The following HSPA12B variants were observed in gnomAD, a reference collection of about 807,000 sequenced individuals.
HSPA12B encodes heat shock 70 kDa protein 12B.
HSPA12B carries 54 observed loss-of-function variants against 69.3 expected under a neutral mutation model. The observed-to-expected ratio is 0.78, with a 90% CI of 0.63 to 0.98. The LOEUF (loss-of-function observed/expected upper bound fraction) is 0.98. Ranked by LOEUF, HSPA12B falls within the 50% of genes least tolerant of loss-of-function variation. The probability of loss-of-function intolerance (pLI) is 0.00; values close to 1 mark genes in which losing one functional copy is unlikely to be tolerated. For missense variants in HSPA12B, 929 were observed against 999.8 expected (o/e 0.93, Z 0.96); for synonymous variants, 441 against 436.5 (o/e 1.01, Z -0.13).
rs1224249822 is a variant in HSPA12B, at chr20:3,749,142, A to G, written c.851-90A>G. On this transcript the variant is annotated intron_variant, in intron 8 of 12. Transcript: ENST00000254963. This position sits in a 1 kb window ranked among gnomAD's most constrained non-coding sequence, Gnocchi z 5.5. Reference sequence around the variant, plus strand: ...GGAGCACTGGCTGCTCCCAGTGCCCATGGAGGTCCTGGGCAGGAGGATGGG... The same window carrying G: ...GGAGCACTGGCTGCTCCCAGTGCCCGTGGAGGTCCTGGGCAGGAGGATGGG... 7.0e-6 allele frequency: 8 copies of G among 1,146,200 alleles called. No individual in the cohort carries two copies. The highest frequency in any genetic ancestry group is 1.0e-5 in the Non-Finnish European group (8 of 792,874). 71.0% of individuals were successfully genotyped at this position (1,146,200 alleles called of 1,614,324 possible).
Position 3,752,936 on chromosome 20 carries a change from G to T in HSPA12B, c.*770G>T. ...ATGGGGAGGCCAGAGGGAGCAATGA[G>T]GGGTGGTCCCAGCTCTGCTATTGAC... On this transcript the variant is annotated 3_prime_UTR_variant, in exon 13 of 13. Coordinates refer to ENST00000254963, the MANE Select transcript of HSPA12B (RefSeq NM_052970.5). 6.5e-6 allele frequency: 1 copy of T among 153,922 alleles called. No homozygotes were observed. 9.5% of individuals were successfully genotyped at this position (153,922 alleles called of 1,614,324 possible).
chr20:3,746,301 CTTTTTTT>C (rs11473544), intron 7 of HSPA12B, among the ~76,000 whole-genome samples: 9 of 89,234 alleles, frequency 1.0e-4, no homozygotes, highest in Admixed American at 3.1e-4. Context: ...GATGGAGAGT[CTTTTTTT>C]TTTTTTTTTT....
chr20:3,742,443 A>T (rs1600315960), intron 4 of HSPA12B, 35 bp downstream of exon 4: 1 of 1,486,568 alleles, frequency 6.7e-7, no homozygotes, highest in Non-Finnish European at 9.1e-7. Flanking sequence ...TGAGGTGGGG[A>T]AGGTGGGGAG....
rs200238699 is a variant in HSPA12B, at chr20:3,749,252, T to C, written c.871T>C (p.Ser291Pro). Residue 291 changes from serine (S) to proline (P), a missense_variant, in exon 9 of 13, where the codon TCC becomes CCC. This residue lies in a region of HSPA12B where 477 missense variants were observed against 535.2 expected (regional missense o/e 0.89). Coordinates refer to ENST00000254963, the MANE Select transcript of HSPA12B (RefSeq NM_052970.5). This position sits in a 1 kb window ranked among gnomAD's most constrained non-coding sequence, Gnocchi z 5.5. The stretch of plus-strand genomic sequence containing the variant: ...CCCAGCTCGGGAGCAGCTGCGAAGG[T>C]CCCGCCACAGCCGCACGTTCCTGGT... ...FRQAREQLRR[S>P]RHSRTFLVES... The C allele has an allele frequency of 6.2e-7, 1 of 1,612,542 alleles. No homozygotes were observed. The highest frequency in any genetic ancestry group is 1.1e-5 in the South Asian group (1 of 90,942).
chr20:3,749,099 G>C lies in HSPA12B; in HGVS notation c.851-133G>C. 1.4e-6 allele frequency: 1 copy of C among 697,324 alleles called. No individual in the cohort carries two copies. Among genetic ancestry groups the C allele is most frequent in the Non-Finnish European group, 2.5e-6 (1 of 406,662 alleles). The allele number at this position is 697,324 out of a possible 1,614,324, so 43.2% of individuals were successfully genotyped here. A position where few individuals can be genotyped will look rare whatever the true frequency, so the allele number is the denominator to read the frequency against. On this transcript the variant is annotated intron_variant, in intron 8 of 12. Transcript: ENST00000254963. The surrounding 1 kb of genome is among the most constrained non-coding windows in gnomAD (Gnocchi z 5.5). ...TTCAGGATTGCCCTCTCCCAGTCAG[G>C]AGCAGGTTGGAGTTTCAGGAGCACT... is the stretch of plus-strand genomic sequence containing the variant.
intron 12 of HSPA12B, 42 bp from the exon 13 acceptor site, chr20:3,751,466 TCTC>T (rs1393071532): frequency 1.5e-6 from 2 of 1,367,636 alleles, no homozygotes; most frequent in South Asian, 1.8e-5. Context: ...CCCCGCCCCT[TCTC>T]CTCTGCCCCC....
Position 3,749,992 on chromosome 20 carries a change from G to T in HSPA12B, c.1066G>T (p.Val356Leu). The T allele has an allele frequency of 6.3e-7, 1 of 1,578,320 alleles. No individual in the cohort carries two copies. Among genetic ancestry groups the T allele is most frequent in the Non-Finnish European group, 8.6e-7 (1 of 1,162,636 alleles). The change falls in exon 11 of 13, where the codon GTG (valine) becomes TTG (leucine). Residue 356 changes from valine (V) to leucine (L), a missense_variant. Physicochemically the swap from Val to Leu is conservative, Grantham distance 32. This residue lies in a region of HSPA12B where 477 missense variants were observed against 535.2 expected (regional missense o/e 0.89). Transcript: ENST00000254963. The surrounding 1 kb of genome is among the most constrained non-coding windows in gnomAD (Gnocchi z 5.5). ...ASGGPYGAVG[V>L]DLAFEQLLCR... ...AGGGGGCCCTTATGGCGCGGTGGGC[G>T]TGGACCTGGCCTTCGAGCAGCTGCT...
intron 12 of HSPA12B, chr20:3,751,287 G>A: frequency 1.0e-6 from 1 of 985,500 alleles, no homozygotes; most frequent in Non-Finnish European, 1.2e-6. Flanking sequence ...CCACGTCGTG[G>A]TGGGAGAGAA....
At chr20:3,741,587 C>G (rs1404528989) in intron 3 of HSPA12B, among the ~76,000 whole-genome samples, 1 of 152,128 alleles carries the variant, frequency 6.6e-6, no homozygotes, top group Non-Finnish European at 1.5e-5. Flanking sequence ...TAGCCAAGAT[C>G]GCACCACTGC....
intron 2 of HSPA12B, among the ~76,000 whole-genome samples, chr20:3,739,691 G>T (rs145398582): frequency 8.5e-5 from 13 of 152,292 alleles, no homozygotes; most frequent in Non-Finnish European, 1.6e-4. Context: ...GCTTCCCAGA[G>T]TCCCCCTCAT....
At chr20:3,735,425 G>A (rs1370489385) in intron 1 of HSPA12B, among the ~76,000 whole-genome samples, 1 of 151,780 alleles carries the variant, frequency 6.6e-6, no homozygotes, top group East Asian at 1.9e-4. Context: ...TAGGCCCATG[G>A]TTTGGATGTG....
rs2088131805 is a variant in HSPA12B, at chr20:3,737,788, A to C, written c.-17-870A>C. 6.6e-6 allele frequency among the ~76,000 whole-genome samples: 1 copy of C among 152,192 alleles called. No homozygotes were observed. The highest frequency in any genetic ancestry group is 1.5e-5 in the Non-Finnish European group (1 of 68,030). On this transcript the variant is annotated intron_variant, in intron 1 of 12. Coordinates refer to ENST00000254963, the MANE Select transcript of HSPA12B (RefSeq NM_052970.5). This position sits in a 1 kb window ranked among gnomAD's most constrained non-coding sequence, Gnocchi z 4.1. Reference sequence around the variant, plus strand: ...GAGGCCGAGGTGGGCGGATCACCTGAGGTCAGGAGTTCGAGAACAGCCTGG... The same window carrying C: ...GAGGCCGAGGTGGGCGGATCACCTGCGGTCAGGAGTTCGAGAACAGCCTGG...
Position 3,751,654 on chromosome 20 carries a change from G to A in HSPA12B, c.1549G>A (p.Gly517Ser), listed in dbSNP as rs1246624961. ...GLRVVVPHDV[G>S]LTILKGAVLF... Reference sequence around the variant, plus strand: ...GCGTGTCGTGGTCCCGCACGACGTGGGCCTCACCATCCTCAAAGGCGCGGT... The same window carrying A: ...GCGTGTCGTGGTCCCGCACGACGTGAGCCTCACCATCCTCAAAGGCGCGGT... The change falls in exon 13 of 13, where the codon GGC becomes AGC. Residue 517 changes from glycine (G) to serine (S), a missense_variant. Physicochemically the swap from Gly to Ser is moderately conservative, Grantham distance 56 (BLOSUM62 0). Around this residue, in one of 3 missense-constraint regions of HSPA12B, gnomAD observed 448 missense variants for 448.1 expected, o/e 1.00. Transcript: ENST00000254963. 6.6e-7 allele frequency: 1 copy of A among 1,522,528 alleles called. No individual in the cohort carries two copies. Among genetic ancestry groups the A allele is most frequent in the South Asian group, 1.2e-5 (1 of 82,374 alleles). The allele number at this position is 1,522,528 out of a possible 1,614,324, so 94.3% of individuals were successfully genotyped here. A position where few individuals can be genotyped will look rare whatever the true frequency, so the allele number is the denominator to read the frequency against.
rs111788957 is a variant in HSPA12B, at chr20:3,740,148, ATG to A, written c.44-656_44-655del. 3.3e-5 allele frequency among the ~76,000 whole-genome samples: 5 copies of A among 149,642 alleles called. No homozygotes were observed. The highest frequency in any genetic ancestry group is 5.9e-5 in the Non-Finnish European group (4 of 67,872). ...TGAAATGCTGGCTCAGGGTGTGTGT[ATG>A]TGTGTGTGTGGGGGGTGGGAATCAG... is the stretch of plus-strand genomic sequence containing the variant. On this transcript the variant is annotated intron_variant, in intron 2 of 12. Transcript: ENST00000254963. The surrounding 1 kb of genome is among the most constrained non-coding windows in gnomAD (Gnocchi z 4.9).
chr20:3,744,210 C>T lies in HSPA12B; in HGVS notation c.267-692C>T, dbSNP rs2088257136. 6.6e-6 allele frequency among the ~76,000 whole-genome samples: 1 copy of T among 152,150 alleles called. No homozygotes were observed. Among genetic ancestry groups the T allele is most frequent in the South Asian group, 2.1e-4 (1 of 4,826 alleles). ...AGACATAGACAGACAGGTAACTGCT[C>T]CCAAAATACATGGGACTTGAGCTTC... On this transcript the variant is annotated intron_variant, in intron 4 of 12. Coordinates refer to ENST00000254963, the MANE Select transcript of HSPA12B (RefSeq NM_052970.5). This position sits in a 1 kb window ranked among gnomAD's most constrained non-coding sequence, Gnocchi z 4.9.
intron 7 of HSPA12B, among the ~76,000 whole-genome samples, chr20:3,746,710 G>A (rs1053231503): frequency 1.3e-5 from 2 of 152,196 alleles, no homozygotes; most frequent in Admixed American, 1.3e-4. Context: ...GGTCTTTGCT[G>A]GAGTCTAGCC....
At chr20:3,738,182 G>A (rs1316303103) in intron 1 of HSPA12B, among the ~76,000 whole-genome samples, 1 of 152,038 alleles carries the variant, frequency 6.6e-6, no homozygotes, top group Admixed American at 6.6e-5. Context: ...TTCCCACCCC[G>A]CATTATCCAA....
chr20:3,738,073 T>C (rs144106952), intron 1 of HSPA12B, among the ~76,000 whole-genome samples: 4 of 152,320 alleles, frequency 2.6e-5, no homozygotes, highest in Admixed American at 2.6e-4. Context: ...CAAGATTTGC[T>C]GTTGCCCTTC....
At chr20:3,748,050 C>G (rs775994763) in intron 7 of HSPA12B, among the ~76,000 whole-genome samples, 167 bp from the exon 8 acceptor site, 10 of 152,384 alleles carry the variant, frequency 6.6e-5, no homozygotes, top group Non-Finnish European at 1.2e-4. Context: ...GGCTATGAGG[C>G]AGCTCCAAAT....
Sources: gnomAD v4.1 joint callset for allele counts (sites outside exome capture counted in the v4.1 genomes callset) on GRCh38, gnomAD v4.1.1 for gene constraint, gnomAD v4.1.1 regional missense constraint, Gnocchi (gnomAD v3.1) non-coding constraint, MANE v1.5 for transcripts, NCBI Gene and HGNC (gene_info 2026-07-23, HGNC 2026-07-21) for gene names.